Variants in GRHL2 observed in about 807,000 individuals in gnomAD.
GRHL2 encodes grainyhead-like protein 2 homolog.
GRHL2 carries 21 observed loss-of-function variants against 83.8 expected under a neutral mutation model. The observed-to-expected ratio is 0.25, with a 90% CI of 0.18 to 0.36. GRHL2 has a LOEUF of 0.36. GRHL2 is among the 10% of genes least tolerant of loss of function. The pLI is 1.00. For missense variants in GRHL2, 623 were observed against 781.8 expected, an observed-to-expected ratio of 0.80 and a Z score of 2.42; for synonymous variants, 280 against 278.9, an observed-to-expected ratio of 1.00 and a Z score of -0.04.
chr8:101,636,936 A>G lies in GRHL2; in HGVS notation c.1517+8A>G, dbSNP rs1319681437. On this transcript the variant is annotated splice_region_variant and intron_variant, in intron 12 of 15. Coordinates refer to ENST00000646743, the MANE Select transcript of GRHL2 (RefSeq NM_024915.4). Reference sequence around the variant, plus strand: ...GGATGATGAACGAGAAGGGTAAGACACTCAGTTCTTTCATTTCAACACTCC... The same window carrying G: ...GGATGATGAACGAGAAGGGTAAGACGCTCAGTTCTTTCATTTCAACACTCC... 11 of 1,612,722 alleles carry G rather than the reference A, an allele frequency of 6.8e-6. No individual in the cohort carries two copies. The East Asian group carries it at 2.2e-4, about 33-fold the overall frequency.
chr8:101,545,870 ATTTTTTTTTT>A (rs1174568425), intron 2 of GRHL2, among the ~76,000 whole-genome samples: 141 of 83,610 alleles, frequency 1.7e-3, no homozygotes, highest in Non-Finnish European at 2.7e-3. Context: ...TCTTTGTAAC[ATTTTTTTTTT>A]TTTTTTTTTT....
chr8:101,668,975 T>C lies in GRHL2; in HGVS notation c.*2272T>C, dbSNP rs1034970256. 1.3e-5 allele frequency: 2 copies of C among 152,344 alleles called. No individual in the cohort carries two copies. The highest frequency in any genetic ancestry group is 6.5e-5 in the Admixed American group (1 of 15,294). The allele number at this position is 152,344 out of a possible 1,614,324, so 9.4% of individuals were successfully genotyped here. A position where few individuals can be genotyped will look rare whatever the true frequency, so the allele number is the denominator to read the frequency against. ...CCTTGAGCAATCATGGTGGTGACAA[T>C]TGCCACAAGGGATATGAGGCCAGTG... On this transcript the variant is annotated 3_prime_UTR_variant, in exon 16 of 16. Transcript: ENST00000646743.
chr8:101,577,746 A>G (rs1720767996), intron 7 of GRHL2, among the ~76,000 whole-genome samples: 1 of 152,222 alleles, frequency 6.6e-6, no homozygotes, highest in South Asian at 2.1e-4. Context: ...TGTGTCTCAT[A>G]AAATCATAGT....
chr8:101,509,012 G>T (rs1018191547), intron 1 of GRHL2, among the ~76,000 whole-genome samples: 9 of 151,802 alleles, frequency 5.9e-5, no homozygotes, highest in African/African-American at 2.2e-4. Flanking sequence ...CTTTTATTTC[G>T]ATTTCAAAGG....
At chr8:101,542,931 G>T (rs1811185054) in intron 1 of GRHL2, 2 of 443,970 alleles carry the variant, frequency 4.5e-6, no homozygotes, top group South Asian at 1.7e-5. Context: ...TCAACACCAT[G>T]TGGGAGCCCT....
At chr8:101,650,306 T>C (rs771217319) in intron 14 of GRHL2, among the ~76,000 whole-genome samples, 21 of 152,248 alleles carry the variant, frequency 1.4e-4, no homozygotes, top group Non-Finnish European at 2.4e-4. Flanking sequence ...TCATTTGGGA[T>C]ACTCTTTTTT....
intron 14 of GRHL2, among the ~76,000 whole-genome samples, chr8:101,657,869 A>C (rs1212935781): frequency 1.3e-5 from 2 of 151,930 alleles, no homozygotes; most frequent in African/African-American, 2.4e-5. Flanking sequence ...AAAGAAAAAC[A>C]CAAAGAAAAA....
intron 7 of GRHL2, among the ~76,000 whole-genome samples, chr8:101,582,918 T>C (rs78016192): frequency 7.2e-5 from 11 of 152,282 alleles, no homozygotes; most frequent in African/African-American, 2.4e-4. Context: ...TTTAGCCATG[T>C]TTTTCTGTTG....
intron 9 of GRHL2, among the ~76,000 whole-genome samples, chr8:101,627,213 G>A (rs1813097664): frequency 6.6e-6 from 1 of 152,028 alleles, no homozygotes; most frequent in Non-Finnish European, 1.5e-5. Context: ...TTTTACAAAT[G>A]GAAGGTTTGT....
intron 7 of GRHL2, among the ~76,000 whole-genome samples, chr8:101,589,958 C>T (rs1812245150): frequency 6.6e-6 from 1 of 152,204 alleles, no homozygotes; most frequent in Middle Eastern, 3.4e-3. Flanking sequence ...TACAAACTGA[C>T]TGTGGGGGAT....
At chr8:101,636,028 A>T (rs1813277449) in intron 11 of GRHL2, among the ~76,000 whole-genome samples, 1 of 152,128 alleles carries the variant, frequency 6.6e-6, no homozygotes, top group South Asian at 2.1e-4. Context: ...TTAATATGTA[A>T]ATGTCTGATA....
chr8:101,672,204 G>A (rs1200792630), downstream of GRHL2, among the ~76,000 whole-genome samples: 1 of 151,766 alleles, frequency 6.6e-6, no homozygotes, highest in Non-Finnish European at 1.5e-5. Context: ...GCTGGATGGG[G>A]AATGACTTTG....
intron 1 of GRHL2, among the ~76,000 whole-genome samples, chr8:101,518,974 G>C (rs1370888931): frequency 6.6e-6 from 1 of 152,144 alleles, no homozygotes; most frequent in Non-Finnish European, 1.5e-5. Flanking sequence ...TCGTCTGTTG[G>C]AATGTATGAC....
Position 101,649,313 on chromosome 8 carries a change from T to A in GRHL2, c.1613-101T>A. The A allele has an allele frequency of 1.0e-5, 9 of 880,614 alleles. No homozygotes were observed. The South Asian group carries it at 1.2e-4, about 12-fold the overall frequency. 54.6% of individuals were successfully genotyped at this position (880,614 alleles called of 1,614,324 possible). The stretch of plus-strand genomic sequence containing the variant: ...CAGGGTTCTGAGGCTTCGCAGGAGG[T>A]GCCACTCTCCAACACCTGTGTGACA... On this transcript the variant is annotated intron_variant, in intron 13 of 15. Transcript: ENST00000646743.
intron 14 of GRHL2, among the ~76,000 whole-genome samples, chr8:101,652,324 GTGTGTGGTGTGTGTGTA>G (rs1233467616): frequency 0.013 from 1,682 of 124,952 alleles, 165 homozygotes; most frequent in African/African-American, 0.038. Flanking sequence ...GTGTGCGTGT[GTGTGTGGTGTGTGTGTA>G]TGTGTGTGGT....
At chr8:101,671,907 G>A (rs569801623), downstream of GRHL2, among the ~76,000 whole-genome samples, 3 of 152,186 alleles carry the variant, frequency 2.0e-5, no homozygotes, top group African/African-American at 7.2e-5. Flanking sequence ...AGCCACCGCT[G>A]TTCTGCAGCC....
chr8:101,527,136 A>G (rs1381911573), intron 1 of GRHL2, among the ~76,000 whole-genome samples: 2 of 152,212 alleles, frequency 1.3e-5, no homozygotes, highest in African/African-American at 2.4e-5. Flanking sequence ...TTTTAAACTC[A>G]TAAACCCTTG....
intron 7 of GRHL2, among the ~76,000 whole-genome samples, chr8:101,596,262 G>A (rs934301082): frequency 4.6e-5 from 7 of 152,114 alleles, no homozygotes; most frequent in African/African-American, 1.7e-4. Context: ...GAGTCACCAT[G>A]TTTTGCATAT....
chr8:101,577,111 A>C (rs1811948794), intron 6 of GRHL2, among the ~76,000 whole-genome samples: 1 of 152,216 alleles, frequency 6.6e-6, no homozygotes, highest in African/African-American at 2.4e-5. Context: ...TGACCTCACA[A>C]AATAATACAT....
Sources: allele counts gnomAD v4.1 joint callset (sites outside exome capture counted in the v4.1 genomes callset), GRCh38; gene constraint gnomAD v4.1.1; transcripts MANE v1.5; gene names NCBI Gene and HGNC (gene_info 2026-07-23, HGNC 2026-07-21).